The following FAF1 variants were observed in gnomAD, a reference collection of about 807,000 sequenced individuals.
The protein encoded by FAF1 is Fas associated factor 1.
Under a neutral mutation model 92.5 loss-of-function variants are expected in FAF1, and 25 were observed. That is an observed-to-expected ratio of 0.27 (90% confidence interval 0.20 to 0.38). FAF1 has a LOEUF of 0.38. Ranked by LOEUF, FAF1 falls within the 10% of genes least tolerant of loss-of-function variation. FAF1 has a pLI of 1.00. For synonymous variants in FAF1, 234 were observed against 273.2 expected (o/e 0.86, Z 1.42); for missense variants, 636 against 793.3 (o/e 0.80, Z 2.38).
At chr1:50,598,119 T>A (rs188441088) in intron 8 of FAF1, among the ~76,000 whole-genome samples, 6 of 151,982 alleles carry the variant, frequency 3.9e-5, no homozygotes, top group African/African-American at 1.5e-4. Context: ...CATAGTGAGA[T>A]CTTGTCTCTA....
At chr1:50,935,627 C>A (rs1444805698) in intron 1 of FAF1, among the ~76,000 whole-genome samples, 1 of 151,914 alleles carries the variant, frequency 6.6e-6, no homozygotes, top group African/African-American at 2.4e-5. Flanking sequence ...CCCACCACCA[C>A]GCCCCCAGCT....
intron 2 of FAF1, among the ~76,000 whole-genome samples, chr1:50,852,951 T>A (rs1031308504): frequency 6.6e-6 from 1 of 152,098 alleles, no homozygotes; most frequent in Non-Finnish European, 1.5e-5. Flanking sequence ...GAAGCAGAAA[T>A]TGATATGATG....
intron 2 of FAF1, among the ~76,000 whole-genome samples, chr1:50,837,789 G>A (rs1644221995): frequency 6.6e-6 from 1 of 151,552 alleles, no homozygotes; most frequent in African/African-American, 2.4e-5. Context: ...TGTCACCCAG[G>A]CTGGAGTGCA....
At chr1:50,832,671 T>C (rs1439852707) in intron 2 of FAF1, among the ~76,000 whole-genome samples, 1 of 152,216 alleles carries the variant, frequency 6.6e-6, no homozygotes, top group Non-Finnish European at 1.5e-5. Flanking sequence ...AGGATAGTTA[T>C]TTGTTTTTAC....
intron 6 of FAF1, among the ~76,000 whole-genome samples, chr1:50,737,838 T>C (rs953268662): frequency 6.6e-6 from 1 of 152,156 alleles, no homozygotes; most frequent in African/African-American, 2.4e-5. Flanking sequence ...GTTCAAAATT[T>C]AGGGACACAA....
intron 4 of FAF1, among the ~76,000 whole-genome samples, chr1:50,762,177 G>A (rs1188665904): frequency 2.4e-4 from 37 of 152,022 alleles, no homozygotes; most frequent in East Asian, 9.6e-4. Context: ...CCACTGCTCA[G>A]TGAAATAAAA....
intron 18 of FAF1, among the ~76,000 whole-genome samples, chr1:50,470,427 G>A (rs1178668614): frequency 6.6e-6 from 1 of 152,138 alleles, no homozygotes; most frequent in Non-Finnish European, 1.5e-5. Flanking sequence ...TAAAGTGGCA[G>A]CATTGGCCTT....
At chr1:50,731,372 CTTT>C (rs369508602) in intron 6 of FAF1, among the ~76,000 whole-genome samples, 8 of 140,182 alleles carry the variant, frequency 5.7e-5, no homozygotes, top group Admixed American at 1.4e-4. Flanking sequence ...TATCTTTTCT[CTTT>C]TTTTTTTTTT....
chr1:50,531,255 C>G (rs897405844), intron 15 of FAF1, among the ~76,000 whole-genome samples: 4 of 152,050 alleles, frequency 2.6e-5, no homozygotes, highest in African/African-American at 7.2e-5. Flanking sequence ...TGTTCAGATA[C>G]AAGTTAATCA....
chr1:50,858,049 T>A, intron 1 of FAF1, 52 bp from the exon 2 acceptor site: 2 of 1,274,852 alleles, frequency 1.6e-6, no homozygotes, highest in Non-Finnish European at 2.2e-6. Context: ...AATAGGGAGG[T>A]AAATCAGACT....
chr1:50,678,984 G>A (rs1458312139), intron 7 of FAF1, among the ~76,000 whole-genome samples: 1 of 151,934 alleles, frequency 6.6e-6, no homozygotes, highest in East Asian at 1.9e-4. Context: ...CTACTCGGGA[G>A]GCTGAAGCAG....
intron 1 of FAF1, among the ~76,000 whole-genome samples, chr1:50,925,767 TCAA>T (rs1373946482): frequency 6.6e-6 from 1 of 152,156 alleles, no homozygotes; most frequent in African/African-American, 2.4e-5. Flanking sequence ...GGAAAGGAAA[TCAA>T]CATCAAAAGG....
chr1:50,806,316 A>T (rs984722630), intron 2 of FAF1, among the ~76,000 whole-genome samples: 3 of 152,232 alleles, frequency 2.0e-5, no homozygotes, highest in Non-Finnish European at 2.9e-5. Context: ...CCACAATAAG[A>T]TACCACCACA....
chr1:50,722,113 C>A (rs1454903895), intron 6 of FAF1, among the ~76,000 whole-genome samples: 1 of 152,170 alleles, frequency 6.6e-6, no homozygotes, highest in Non-Finnish European at 1.5e-5. Context: ...CCACAGGAGT[C>A]CCCCACTGGC....
chr1:50,711,327 A>T (rs1395817789), intron 6 of FAF1, among the ~76,000 whole-genome samples: 2 of 152,230 alleles, frequency 1.3e-5, no homozygotes, highest in East Asian at 3.8e-4. Flanking sequence ...AACATCAGCA[A>T]AAGGATCTAC....
chr1:50,946,874 A>T (rs1260541280), intron 1 of FAF1, among the ~76,000 whole-genome samples: 1 of 152,254 alleles, frequency 6.6e-6, no homozygotes, highest in Non-Finnish European at 1.5e-5. Flanking sequence ...AGTGGAAAGT[A>T]TGCCTACCTC....
At chr1:50,538,867 C>T (rs999983815) in intron 14 of FAF1, among the ~76,000 whole-genome samples, 1 of 152,166 alleles carries the variant, frequency 6.6e-6, no homozygotes, top group Admixed American at 6.5e-5. Context: ...CACATATCCC[C>T]TCCTCCCAAT....
At chr1:50,815,049 G>A in intron 2 of FAF1, among the ~76,000 whole-genome samples, 1 of 152,144 alleles carries the variant, frequency 6.6e-6, no homozygotes, top group Non-Finnish European at 1.5e-5. Context: ...AGAATTAAAA[G>A]CAGTCTCTTA....
rs1290787277 is a variant in FAF1 at position 50,441,373 on chromosome 1, G to A, written c.*67C>T. 2.1e-5 allele frequency: 21 copies of A among 983,922 alleles called. No individual in the cohort carries two copies. In the East Asian group the frequency reaches 4.5e-4, roughly 21 times the overall value. The allele number at this position is 983,922 out of a possible 1,614,324, so 60.9% of individuals were successfully genotyped here. A position where few individuals can be genotyped will look rare whatever the true frequency, so the allele number is the denominator to read the frequency against. ...GACGAGCGTGTGGGTGGGTTGGCGA[G>A]GAGCCCTTCTCCTGACGCAGGCTGC... is the stretch of plus-strand genomic sequence containing the variant. On this transcript the variant is annotated 3_prime_UTR_variant, in exon 19 of 19. Transcript: ENST00000396153.
Sources: gnomAD v4.1 joint callset for allele counts (sites outside exome capture counted in the v4.1 genomes callset) on GRCh38, gnomAD v4.1.1 for gene constraint, MANE v1.5 for transcripts, NCBI Gene and HGNC (gene_info 2026-07-23, HGNC 2026-07-21) for gene names.